Variants in ROBO1 observed in about 807,000 individuals in gnomAD.
ROBO1 encodes roundabout homolog 1.
ROBO1 carries 149 observed loss-of-function variants against 195.9 expected under a neutral mutation model. The observed-to-expected ratio is 0.76, with a 90% CI of 0.67 to 0.87. ROBO1 has a LOEUF of 0.87. Among genes scored for constraint, ROBO1 ranks in the 40% least tolerant of loss-of-function variants. The pLI, the probability that ROBO1 is intolerant of heterozygous loss-of-function variation, is 0.00. For missense variants in ROBO1, 1,933 were observed against 2,068.3 expected (o/e 0.93, Z 1.27); for synonymous variants, 816 against 733.2 (o/e 1.11, Z -1.82).
At chr3:79,656,098 C>G (rs1447957870) in intron 1 of ROBO1, among the ~76,000 whole-genome samples, 1 of 152,066 alleles carries the variant, frequency 6.6e-6, no homozygotes, top group Non-Finnish European at 1.5e-5. Context: ...TCTTCCACAC[C>G]TTCTACGATG....
intron 4 of ROBO1, among the ~76,000 whole-genome samples, chr3:78,879,467 A>G (rs1331138093): frequency 6.6e-6 from 1 of 152,118 alleles, no homozygotes; most frequent in Non-Finnish European, 1.5e-5. Flanking sequence ...GCAAAACTGA[A>G]GTAGCATTTT....
Position 78,670,209 on chromosome 3 carries a change from T to G in ROBO1, c.1435A>C (p.Thr479Pro). Residue 479 changes from threonine to proline, a missense_variant, in exon 11 of 31, where the codon ACA (threonine) becomes CCA (proline). By Grantham distance (38) the Thr-to-Pro change is conservative. Transcript: ENST00000464233. ...AGAATGGTGGGCACTGGACTGCCTG[T>G]GGCCACACAGCTGAGGACGAAAGTG... ...DGTFVLSCVA[T>P]GSPVPTILWR... is the part of the protein sequence containing the mutation. 1 of 1,610,388 alleles carries G rather than the reference T, an allele frequency of 6.2e-7. No homozygotes were observed. The highest frequency in any genetic ancestry group is 8.5e-7 in the Non-Finnish European group (1 of 1,178,312).
chr3:79,053,904 G>A (rs747038666), intron 3 of ROBO1, among the ~76,000 whole-genome samples: 1 of 152,116 alleles, frequency 6.6e-6, no homozygotes, highest in Admixed American at 6.6e-5. Context: ...GTGTCATTAT[G>A]TACCTCTAAA....
chr3:79,486,418 A>G (rs1037166264), intron 2 of ROBO1, among the ~76,000 whole-genome samples: 3 of 152,080 alleles, frequency 2.0e-5, no homozygotes, highest in Non-Finnish European at 4.4e-5. Context: ...TTTATTCTCT[A>G]CTTTCCCAGA....
chr3:79,403,793 A>T (rs974270699), intron 2 of ROBO1, among the ~76,000 whole-genome samples: 5 of 152,042 alleles, frequency 3.3e-5, no homozygotes, highest in Non-Finnish European at 7.4e-5. Flanking sequence ...CATTTCTTTC[A>T]GTATGAAATA....
At chr3:79,541,450 G>A (rs1037687681) in intron 2 of ROBO1, among the ~76,000 whole-genome samples, 6 of 152,036 alleles carry the variant, frequency 3.9e-5, no homozygotes, top group Non-Finnish European at 8.8e-5. Context: ...TTTTAGAGAA[G>A]GGAATGAGGC....
At chr3:79,290,848 C>G (rs2032199495) in intron 2 of ROBO1, among the ~76,000 whole-genome samples, 1 of 152,142 alleles carries the variant, frequency 6.6e-6, no homozygotes, top group Non-Finnish European at 1.5e-5. Context: ...TTTGGTTATA[C>G]TACTTTTCCC....
At chr3:78,835,001 C>T (rs1231761680) in intron 4 of ROBO1, among the ~76,000 whole-genome samples, 3 of 152,004 alleles carry the variant, frequency 2.0e-5, no homozygotes, top group Non-Finnish European at 2.9e-5. Flanking sequence ...AATAACAATA[C>T]ATTTAAATTT....
chr3:79,048,000 G>C (rs2078626389), intron 3 of ROBO1, among the ~76,000 whole-genome samples: 1 of 152,056 alleles, frequency 6.6e-6, no homozygotes, highest in South Asian at 2.1e-4. Flanking sequence ...GGAGTCTTTG[G>C]TCTATCCTGT....
At chr3:79,240,379 AGTT>A (rs1179601557) in intron 2 of ROBO1, among the ~76,000 whole-genome samples, 1 of 152,248 alleles carries the variant, frequency 6.6e-6, no homozygotes, top group East Asian at 1.9e-4. Context: ...GGATATGAAC[AGTT>A]ATTAACATAT....
chr3:79,599,083 A>C (rs1238492059), intron 1 of ROBO1, among the ~76,000 whole-genome samples: 1 of 152,090 alleles, frequency 6.6e-6, no homozygotes, highest in Non-Finnish European at 1.5e-5. Context: ...TTTAGGTTTT[A>C]CTGTATTATC....
At chr3:79,539,366 C>A (rs1941985438) in intron 2 of ROBO1, among the ~76,000 whole-genome samples, 1 of 152,014 alleles carries the variant, frequency 6.6e-6, no homozygotes. Context: ...AACATGGAAG[C>A]ACACACGTAA....
At chr3:79,062,698 G>C (rs1559631867) in intron 3 of ROBO1, among the ~76,000 whole-genome samples, 1 of 151,094 alleles carries the variant, frequency 6.6e-6, no homozygotes, top group Non-Finnish European at 1.5e-5. Context: ...GTCCTTTGCA[G>C]GGAAACCATC....
chr3:79,536,893 G>T (rs1941889348), intron 2 of ROBO1, among the ~76,000 whole-genome samples: 1 of 152,096 alleles, frequency 6.6e-6, no homozygotes, highest in Non-Finnish European at 1.5e-5. Flanking sequence ...CTTCCAATGT[G>T]TAGTAAAGAA....
chr3:79,498,589 C>G (rs1024960866), intron 2 of ROBO1, among the ~76,000 whole-genome samples: 5 of 152,158 alleles, frequency 3.3e-5, no homozygotes, highest in Admixed American at 1.3e-4. Context: ...CACGGTGGCT[C>G]ACGCCTGTAA....
chr3:78,999,888 T>C (rs942704967), intron 3 of ROBO1, among the ~76,000 whole-genome samples: 1 of 152,130 alleles, frequency 6.6e-6, no homozygotes, highest in African/African-American at 2.4e-5. Flanking sequence ...ACATAGAATA[T>C]TCATTAATAT....
intron 2 of ROBO1, among the ~76,000 whole-genome samples, chr3:79,435,829 T>G (rs751684337): frequency 1.1e-4 from 17 of 152,154 alleles, no homozygotes; most frequent in Non-Finnish European, 1.8e-4. Context: ...AAGAGCAAAG[T>G]GAATGTAAGA....
intron 3 of ROBO1, among the ~76,000 whole-genome samples, chr3:78,946,747 G>C (rs1466573282): frequency 1.3e-5 from 2 of 152,122 alleles, no homozygotes; most frequent in Non-Finnish European, 2.9e-5. Context: ...AAAGAGTCAA[G>C]ACCCATCAGT....
chr3:78,749,901 G>C (rs1054087696), intron 4 of ROBO1, among the ~76,000 whole-genome samples: 1 of 152,040 alleles, frequency 6.6e-6, no homozygotes, highest in Non-Finnish European at 1.5e-5. Flanking sequence ...TTGTCAAAAA[G>C]GTCTAATACT....
Sources: gnomAD v4.1 joint callset for allele counts (sites outside exome capture counted in the v4.1 genomes callset) on GRCh38, gnomAD v4.1.1 for gene constraint, MANE v1.5 for transcripts, NCBI Gene and HGNC (gene_info 2026-07-23, HGNC 2026-07-21) for gene names.